CDHR4: variants seen among roughly 807,000 people sequenced by gnomAD.
The protein encoded by CDHR4 is cadherin related family member 4.
A neutral mutation model predicts 88.4 loss-of-function variants in CDHR4; 89 were observed. The observed-to-expected ratio is 1.01, with a 90% CI of 0.85 to 1.20. The LOEUF (loss-of-function observed/expected upper bound fraction) is 1.20. Among genes scored for constraint, CDHR4 ranks in the 50% most tolerant of loss-of-function variants. The pLI is 0.00. For missense variants in CDHR4, 914 were observed against 1,007.2 expected (o/e 0.91, Z 1.25); for synonymous variants, 368 against 399.2 (o/e 0.92, Z 0.93).
rs1404149782 is a variant in CDHR4, at chr3:49,799,300, T to C, written c.187A>G (p.Thr63Ala). 1 of 1,613,650 alleles carries C rather than the reference T, an allele frequency of 6.2e-7. No homozygotes were observed. Among genetic ancestry groups the C allele is most frequent in the Non-Finnish European group, 8.5e-7 (1 of 1,179,716 alleles). Residue 63 changes from threonine (T) to alanine (A), a missense_variant, in exon 2 of 19, where the codon ACC becomes GCC. Physicochemically the swap from Thr to Ala is moderately conservative, Grantham distance 58 (BLOSUM62 0). Transcript: ENST00000412678. The stretch of plus-strand genomic sequence containing the variant: ...GCCAAGCTGGGTGGGTTGAAGAAGG[T>C]GGTGGGTGGCTGGACATTGAGCAAC... ...LELLNVQPPTTFFNPPSLARW... is the reference protein window; with the variant it reads ...LELLNVQPPTAFFNPPSLARW...
At chr3:49,800,718 T>G (rs2081348754), upstream of CDHR4, among the ~76,000 whole-genome samples, 1 of 152,034 alleles carries the variant, frequency 6.6e-6, no homozygotes, top group Non-Finnish European at 1.5e-5. Flanking sequence ...TTTACTGGGC[T>G]GTAACTTTGA....
At chr3:49,791,145 C>G (rs2081172860) in intron 18 of CDHR4, among the ~76,000 whole-genome samples, 1 of 152,194 alleles carries the variant, frequency 6.6e-6, no homozygotes, top group Non-Finnish European at 1.5e-5. Flanking sequence ...ATTACTCTCC[C>G]ATAAATCACT....
Position 49,799,786 on chromosome 3 carries a change from G to T in CDHR4, c.27C>A (p.Phe9Leu). Residue 9 changes from phenylalanine to leucine, a missense_variant, in exon 1 of 19, where the codon TTC becomes TTA. Physicochemically the swap from Phe to Leu is conservative, Grantham distance 22. Coordinates refer to ENST00000412678, the MANE Select transcript of CDHR4 (RefSeq NM_001007540.4). ...CACCAGAGACCACCGGAGCAAAGAG[G>T]AACACGAGGAGCCTGAGCAGCACCA... The part of the protein sequence containing the change: MVLLRLLV[F>L]LFAPVVSDLC... 1.2e-6 allele frequency: 2 copies of T among 1,613,898 alleles called. No individual in the cohort carries two copies. The highest frequency in any genetic ancestry group is 1.7e-6 in the Non-Finnish European group (2 of 1,179,842).
chr3:49,802,107 G>T (rs2081369285), upstream of CDHR4, among the ~76,000 whole-genome samples: 1 of 152,072 alleles, frequency 6.6e-6, no homozygotes, highest in Non-Finnish European at 1.5e-5. Flanking sequence ...TGCTCCTTCT[G>T]CCTAGAATGT....
At chr3:49,791,386 A>G (rs2081177015) in intron 18 of CDHR4, 55 bp downstream of exon 18, 2 of 1,506,546 alleles carry the variant, frequency 1.3e-6, no homozygotes, top group African/African-American at 2.8e-5. Context: ...AGGAGGAGAT[A>G]CTCAGATGGG....
intron 4 of CDHR4, 170 bp downstream of exon 4, chr3:49,798,656 G>C (rs2081310540): frequency 1.1e-5 from 7 of 621,904 alleles, no homozygotes; most frequent in South Asian, 4.0e-5. Context: ...TCACTGGGGA[G>C]TGAGCAGCCC....
In CDHR4 at chr3:49,795,936, G is replaced by A. The variant is rs750805834; in HGVS notation, c.710+7C>T. On this transcript the variant is annotated splice_region_variant and intron_variant, in intron 6 of 18. Coordinates refer to ENST00000412678, the MANE Select transcript of CDHR4 (RefSeq NM_001007540.4). The surrounding 1 kb of genome is among the most constrained non-coding windows in gnomAD (Gnocchi z 5.4). ...TCCCTCACTGTTCCAGGGTAGGGGA[G>A]CCTTACAGGAAGGAGACCTGGCTGG... 4 of 1,533,082 alleles carry A rather than the reference G, an allele frequency of 2.6e-6. No individual in the cohort carries two copies. In the South Asian group the frequency reaches 3.7e-5, roughly 14 times the overall value. The allele number at this position is 1,533,082 out of a possible 1,614,324, so 95.0% of individuals were successfully genotyped here. A position where few individuals can be genotyped will look rare whatever the true frequency, so the allele number is the denominator to read the frequency against.
At chr3:49,792,074 G>T in intron 15 of CDHR4, 115 bp from the exon 16 acceptor site, 2 of 1,040,660 alleles carry the variant, frequency 1.9e-6, no homozygotes, top group Middle Eastern at 3.0e-4. Context: ...TGTATGCAGT[G>T]CCCACATTGT....
rs1167717502 is a variant in CDHR4 at position 49,790,907 on chromosome 3, G to T, written c.2312-20C>A. ...CGGTACCTAAAACCGGTAGGAGAGA[G>T]AGGAGAGCAGGGGGTGCTGCTGGCC... On this transcript the variant is annotated intron_variant, in intron 18 of 18. Coordinates refer to ENST00000412678, the MANE Select transcript of CDHR4 (RefSeq NM_001007540.4). The T allele has an allele frequency of 1.3e-6, 2 of 1,546,888 alleles. No homozygotes were observed. Among genetic ancestry groups the T allele is most frequent in the Admixed American group, 4.0e-5 (2 of 50,390 alleles).
At chr3:49,791,345 G>T in intron 18 of CDHR4, 96 bp downstream of exon 18, 1 of 1,336,874 alleles carries the variant, frequency 7.5e-7, no homozygotes, top group Non-Finnish European at 1.0e-6. Flanking sequence ...GTTCCTGGGA[G>T]TAGGAGGAGA....
chr3:49,797,026 T>A lies in CDHR4; in HGVS notation c.502A>T (p.Ile168Phe). Residue 168 changes from isoleucine to phenylalanine, a missense_variant, in exon 5 of 19, where the codon ATT becomes TTT. By Grantham distance (21) the Ile-to-Phe change is conservative. Coordinates refer to ENST00000412678, the MANE Select transcript of CDHR4 (RefSeq NM_001007540.4). Reference sequence around the variant, plus strand: ...TGTGGCAGGTCCTGGGCACTGATAATGCTCATCTGACAGAACAGAGATGCT... The same window carrying A: ...TGTGGCAGGTCCTGGGCACTGATAAAGCTCATCTGACAGAACAGAGATGCT... ...GLELHGAQMS[I>F]ISAQDLPHFP... 1 of 1,551,514 alleles carries A rather than the reference T, an allele frequency of 6.4e-7. No homozygotes were observed. The highest frequency in any genetic ancestry group is 8.7e-7 in the Non-Finnish European group (1 of 1,146,860).
intron 4 of CDHR4, 55 bp from the exon 5 acceptor site, chr3:49,797,087 C>G (rs540773559): frequency 7.0e-7 from 1 of 1,438,002 alleles, no homozygotes; most frequent in South Asian, 1.2e-5. Flanking sequence ...CCTGAGCACC[C>G]CCATCGACAA....
chr3:49,792,780 C>T, intron 14 of CDHR4, 74 bp downstream of exon 14: 7 of 1,464,310 alleles, frequency 4.8e-6, no homozygotes, highest in Non-Finnish European at 6.4e-6. Context: ...ATAGTTCCAC[C>T]TGAAAAACTG....
rs539864149 is a variant in CDHR4 at position 49,795,614 on chromosome 3, C to G, written c.847+14G>C. 4.5e-6 allele frequency: 7 copies of G among 1,551,570 alleles called. No individual in the cohort carries two copies. The East Asian group carries it at 7.3e-5, about 16-fold the overall frequency. On this transcript the variant is annotated intron_variant, in intron 7 of 18. Transcript: ENST00000412678. The surrounding 1 kb of genome is among the most constrained non-coding windows in gnomAD (Gnocchi z 5.4). Reference sequence around the variant, plus strand: ...GCATCCCAGTACCTGCCCCCACCCCCCAACACCTCTCACCACGACCAATGG... The same window carrying G: ...GCATCCCAGTACCTGCCCCCACCCCGCAACACCTCTCACCACGACCAATGG...
chr3:49,791,690 A>G, intron 17 of CDHR4, 24 bp downstream of exon 17: 1 of 1,551,054 alleles, frequency 6.4e-7, no homozygotes, highest in South Asian at 1.2e-5. Context: ...GGTGTCCACT[A>G]CTTGAGATGG....
At chr3:49,796,387 A>G (rs1255093018) in intron 5 of CDHR4, among the ~76,000 whole-genome samples, 1 of 151,222 alleles carries the variant, frequency 6.6e-6, no homozygotes, top group Non-Finnish European at 1.5e-5. Context: ...CCCATGTTGG[A>G]GCACAGTGGT....
intron 15 of CDHR4, 142 bp from the exon 16 acceptor site, chr3:49,792,101 G>T: frequency 1.1e-6 from 1 of 882,862 alleles, no homozygotes. Flanking sequence ...CCCTTTCCCT[G>T]GGCTCAGTCC....
chr3:49,791,994 G>A, intron 15 of CDHR4, 35 bp from the exon 16 acceptor site: 1 of 1,548,240 alleles, frequency 6.5e-7, no homozygotes, highest in Non-Finnish European at 8.7e-7. Context: ...AGCAGTGAGG[G>A]CAGCAGGCCT....
At chr3:49,801,648 G>A (rs1049995428), upstream of CDHR4, among the ~76,000 whole-genome samples, 3 of 152,224 alleles carry the variant, frequency 2.0e-5, no homozygotes, top group African/African-American at 7.2e-5. Flanking sequence ...ATCAGTTTAT[G>A]GCAATTTCAT....
Sources: gnomAD v4.1 joint callset for allele counts (sites outside exome capture counted in the v4.1 genomes callset) on GRCh38, gnomAD v4.1.1 for gene constraint, Gnocchi (gnomAD v3.1) non-coding constraint, MANE v1.5 for transcripts, NCBI Gene and HGNC (gene_info 2026-07-23, HGNC 2026-07-21) for gene names.